The following KALRN variants were observed in gnomAD, a reference collection of about 807,000 sequenced individuals.
KALRN encodes the protein kalirin.
KALRN carries 70 observed loss-of-function variants against 353.7 expected under a neutral mutation model. The observed-to-expected ratio is 0.20, with a 90% CI of 0.16 to 0.24. The LOEUF (loss-of-function observed/expected upper bound fraction) is 0.24. Ranked by LOEUF, KALRN falls within the 10% of genes least tolerant of loss-of-function variation. The pLI is 1.00. For synonymous variants in KALRN, 1,391 were observed against 1,434.8 expected, an observed-to-expected ratio of 0.97 and a Z score of 0.69; for missense variants, 2,791 against 3,756.7, an observed-to-expected ratio of 0.74 and a Z score of 6.72.
intron 3 of KALRN, 56 bp downstream of exon 3, chr3:124,234,999 A>T (rs897779942): frequency 7.8e-7 from 1 of 1,274,974 alleles, no homozygotes; most frequent in Non-Finnish European, 1.1e-6. Context: ...GGCTGATGCC[A>T]GTTTTGGAAG....
chr3:124,508,547 T>C (rs1328901542), intron 33 of KALRN, among the ~76,000 whole-genome samples: 1 of 152,214 alleles, frequency 6.6e-6, no homozygotes, highest in Non-Finnish European at 1.5e-5. Flanking sequence ...TGTGTGAGTA[T>C]ACCACAATGT....
intron 6 of KALRN, among the ~76,000 whole-genome samples, chr3:124,315,120 A>G (rs1371316441): frequency 2.0e-5 from 3 of 152,344 alleles, no homozygotes; most frequent in African/African-American, 7.2e-5. Flanking sequence ...TGGAGAGTCA[A>G]GTATCTAAAC....
intron 33 of KALRN, chr3:124,504,759 A>G (rs2065024134): frequency 2.3e-6 from 1 of 436,766 alleles, no homozygotes; most frequent in African/African-American, 2.0e-5. Flanking sequence ...GGGATGTGGC[A>G]AGGCAGATCC....
At chr3:124,104,193 T>C (rs925724122) in intron 1 of KALRN, among the ~76,000 whole-genome samples, 3 of 152,124 alleles carry the variant, frequency 2.0e-5, no homozygotes, top group Non-Finnish European at 4.4e-5. Context: ...AAGAGAGAAA[T>C]AATTGGGTCT....
chr3:124,281,158 C>G (rs1440262445), intron 5 of KALRN, among the ~76,000 whole-genome samples: 1 of 152,234 alleles, frequency 6.6e-6, no homozygotes, highest in Non-Finnish European at 1.5e-5. Flanking sequence ...TCCCCCATCC[C>G]ATGGCCCCTT....
intron 2 of KALRN, among the ~76,000 whole-genome samples, chr3:124,230,882 A>AAAAAAAAAACAAAAAAAAAC (rs2079081385): frequency 6.7e-6 from 1 of 149,364 alleles, no homozygotes. Context: ...CAAAAAAAAA[A>AAAAAAAAAACAAAAAAAAAC]CACCAAACCA....
intron 34 of KALRN, among the ~76,000 whole-genome samples, chr3:124,608,857 G>A (rs2077631616): frequency 6.6e-6 from 1 of 152,220 alleles, no homozygotes; most frequent in South Asian, 2.1e-4. Flanking sequence ...CATGCAGCAA[G>A]TTAAGAGTTA....
intron 33 of KALRN, among the ~76,000 whole-genome samples, chr3:124,537,050 A>AT (rs1323494797): frequency 5.3e-5 from 8 of 151,740 alleles, no homozygotes; most frequent in South Asian, 4.2e-4. Flanking sequence ...CCATAAGAGA[A>AT]TTTTTTTTTA....
At chr3:124,678,372 T>C in intron 50 of KALRN, 59 bp downstream of exon 50, 2 of 1,581,328 alleles carry the variant, frequency 1.3e-6, no homozygotes, top group Non-Finnish European at 1.7e-6. Context: ...CCCTGCAGCA[T>C]TCTCACAAGC....
At position 124,268,828 on chromosome 3, in the gene KALRN, A is replaced by G. The variant is rs1215782059; in HGVS notation, c.542A>G (p.Asn181Ser). The G allele has an allele frequency of 8.7e-6, 14 of 1,613,936 alleles. No homozygotes were observed. Among genetic ancestry groups the G allele is most frequent in the Non-Finnish European group, 1.1e-5 (13 of 1,180,014 alleles). ...TEEFDGSLDY[N>S]HEEWIELRLS... ...GAGTTTGATGGCTCCCTGGACTACA[A>G]CCATGAGGAGTGGATCGAACTGCGG... The change falls in exon 5 of 60, where the codon AAC becomes AGC. Residue 181 changes from asparagine (N) to serine (S), a missense_variant. Coordinates refer to ENST00000682506, the MANE Select transcript of KALRN (RefSeq NM_001388419.1).
chr3:124,279,821 G>C (rs1344098072), intron 5 of KALRN, among the ~76,000 whole-genome samples: 1 of 152,236 alleles, frequency 6.6e-6, no homozygotes, highest in Non-Finnish European at 1.5e-5. Context: ...GCACAGGTAA[G>C]TTCACAACGG....
At chr3:124,279,884 G>A (rs1580418280) in intron 5 of KALRN, among the ~76,000 whole-genome samples, 1 of 152,208 alleles carries the variant, frequency 6.6e-6, no homozygotes, top group East Asian at 1.9e-4. Flanking sequence ...CCAGGGTTTG[G>A]GATGCAGGGA....
At chr3:124,320,065 C>T (rs1376726415) in intron 6 of KALRN, among the ~76,000 whole-genome samples, 3 of 152,110 alleles carry the variant, frequency 2.0e-5, no homozygotes, top group East Asian at 1.9e-4. Flanking sequence ...GTATGTATAA[C>T]GTTTTCTCAG....
intron 1 of KALRN, among the ~76,000 whole-genome samples, chr3:124,216,850 A>G (rs1373292184): frequency 6.6e-6 from 1 of 152,240 alleles, no homozygotes; most frequent in Non-Finnish European, 1.5e-5. Context: ...TCCAGCAAAC[A>G]TTAACTCATC....
intron 3 of KALRN, among the ~76,000 whole-genome samples, chr3:124,243,597 T>C (rs1328610529): frequency 6.6e-6 from 1 of 152,092 alleles, no homozygotes; most frequent in Non-Finnish European, 1.5e-5. Context: ...GGCATCAGCA[T>C]TGACTTGGTG....
chr3:124,463,427 G>T (rs912678000), intron 25 of KALRN, among the ~76,000 whole-genome samples: 6 of 152,214 alleles, frequency 3.9e-5, no homozygotes, highest in African/African-American at 1.2e-4. Flanking sequence ...GAAGGGCCAT[G>T]TGTACAGGTG....
At chr3:124,306,396 A>G (rs2077703278) in intron 6 of KALRN, among the ~76,000 whole-genome samples, 1 of 152,174 alleles carries the variant, frequency 6.6e-6, no homozygotes, top group African/African-American at 2.4e-5. Flanking sequence ...AAAAAACAGA[A>G]TTAACAATCT....
At chr3:124,188,681 A>G (rs1029994184) in intron 1 of KALRN, among the ~76,000 whole-genome samples, 1 of 152,180 alleles carries the variant, frequency 6.6e-6, no homozygotes, top group Non-Finnish European at 1.5e-5. Context: ...GATGTCAAGA[A>G]CTGTAAAGTG....
chr3:124,343,618 C>T (rs1425661867), intron 9 of KALRN, among the ~76,000 whole-genome samples: 3 of 152,182 alleles, frequency 2.0e-5, no homozygotes, highest in African/African-American at 7.2e-5. Context: ...CCTACTTATC[C>T]CCTATGCAAG....
Sources: allele counts gnomAD v4.1 joint callset (sites outside exome capture counted in the v4.1 genomes callset), GRCh38; gene constraint gnomAD v4.1.1; transcripts MANE v1.5; gene names NCBI Gene and HGNC (gene_info 2026-07-23, HGNC 2026-07-21).